Variants in CCDC134 observed in about 807,000 individuals in gnomAD.
The protein encoded by CCDC134 is coiled-coil domain containing 134, also known as coiled-coil domain-containing protein 134.
A neutral mutation model predicts 25.6 loss-of-function variants in CCDC134; 27 were observed. That is an observed-to-expected ratio of 1.05 (90% CI 0.78 to 1.45). The LOEUF is 1.45. CCDC134 is among the 40% of genes most tolerant of loss of function. The probability of loss-of-function intolerance (pLI) is 0.00; values close to 1 mark genes in which losing one functional copy is unlikely to be tolerated. For synonymous variants in CCDC134, 110 were observed against 115.0 expected, an observed-to-expected ratio of 0.96 and a Z score of 0.28; for missense variants, 261 against 286.7, an observed-to-expected ratio of 0.91 and a Z score of 0.65.
chr22:41,804,704 T>C (rs187450494), intron 1 of CCDC134, among the ~76,000 whole-genome samples: 1 of 152,344 alleles, frequency 6.6e-6, no homozygotes, highest in Admixed American at 6.5e-5. Flanking sequence ...GCAGGCTTTC[T>C]ATGTACATTC....
At chr22:41,801,047 C>T (rs1001919762) in intron 1 of CCDC134, among the ~76,000 whole-genome samples, 1 of 150,988 alleles carries the variant, frequency 6.6e-6, no homozygotes, top group South Asian at 2.1e-4. Flanking sequence ...GTGACGCATA[C>T]GGCAGGATCG....
chr22:41,817,274 A>T (rs953283040), intron 6 of CCDC134, among the ~76,000 whole-genome samples: 4 of 152,176 alleles, frequency 2.6e-5, no homozygotes, highest in Non-Finnish European at 5.9e-5. Context: ...TGATATGTTT[A>T]GGTGGCAGTG....
In CCDC134 at chr22:41,831,337, C is replaced by T. The variant is rs1046067144; in HGVS notation, c.*5514C>T. ...GGTTAGCTGGGATTACAGGCATGCG[C>T]CACCACACCCGGCTAATTTTTGTAT... is the stretch of plus-strand genomic sequence containing the variant. On this transcript the variant is annotated 3_prime_UTR_variant, in exon 7 of 7. Coordinates refer to ENST00000255784, the MANE Select transcript of CCDC134 (RefSeq NM_024821.5). 1 of 152,098 alleles carries T rather than the reference C, an allele frequency of 6.6e-6. No individual in the cohort carries two copies. Among genetic ancestry groups the T allele is most frequent in the Non-Finnish European group, 1.5e-5 (1 of 68,124 alleles). 9.4% of individuals were successfully genotyped at this position (152,098 alleles called of 1,614,324 possible).
At chr22:41,801,428 C>T (rs2076543171) in intron 1 of CCDC134, among the ~76,000 whole-genome samples, 1 of 152,126 alleles carries the variant, frequency 6.6e-6, no homozygotes, top group Non-Finnish European at 1.5e-5. Flanking sequence ...GTAGCCTGTG[C>T]TCATTTACAA....
intron 1 of CCDC134, among the ~76,000 whole-genome samples, chr22:41,806,427 A>G (rs879741703): frequency 6.6e-6 from 1 of 151,642 alleles, no homozygotes; most frequent in African/African-American, 2.4e-5. Context: ...TCACTGTGTT[A>G]GCCAGGATGG....
intron 4 of CCDC134, among the ~76,000 whole-genome samples, chr22:41,810,603 C>T (rs1310056856): frequency 7.1e-6 from 1 of 140,050 alleles, no homozygotes; most frequent in East Asian, 2.2e-4. Flanking sequence ...ACAAGTGATT[C>T]TCCTGCCTCA....
chr22:41,812,208 G>T (rs1281774411), intron 4 of CCDC134, among the ~76,000 whole-genome samples: 1 of 152,074 alleles, frequency 6.6e-6, no homozygotes, highest in African/African-American at 2.4e-5. Context: ...GATTACTTGA[G>T]TTCGAGTTTG....
Position 41,831,693 on chromosome 22 carries a change from G to T in CCDC134, c.*5870G>T, listed in dbSNP as rs1185528801. On this transcript the variant is annotated 3_prime_UTR_variant, in exon 7 of 7. Coordinates refer to ENST00000255784, the MANE Select transcript of CCDC134 (RefSeq NM_024821.5). Reference sequence around the variant, plus strand: ...TCACTTCTTCAGAGGCTTCTTGACAGCACAAGTCAGGGCCCTTGTTAGTTT... The same window carrying T: ...TCACTTCTTCAGAGGCTTCTTGACATCACAAGTCAGGGCCCTTGTTAGTTT... The T allele has an allele frequency of 2.0e-5, 3 of 152,210 alleles. No individual in the cohort carries two copies. The highest frequency in any genetic ancestry group is 4.4e-5 in the Non-Finnish European group (3 of 68,046). The allele number at this position is 152,210 out of a possible 1,614,324, so 9.4% of individuals were successfully genotyped here. A position where few individuals can be genotyped will look rare whatever the true frequency, so the allele number is the denominator to read the frequency against.
intron 6 of CCDC134, among the ~76,000 whole-genome samples, chr22:41,819,993 ATATAT>A (rs1569358015): frequency 1.6e-4 from 21 of 133,092 alleles, no homozygotes; most frequent in African/African-American, 5.8e-4. Context: ...ATATATATAT[ATATAT>A]AATTTTTTTT....
At chr22:41,813,626 T>C in intron 5 of CCDC134, 125 bp from the exon 6 acceptor site, 1 of 1,227,272 alleles carries the variant, frequency 8.1e-7, no homozygotes. Context: ...CCAGTTCCCA[T>C]GGGATCATCA....
rs2076702303 is a variant in CCDC134 at position 41,830,834 on chromosome 22, G to A, written c.*5011G>A. 6.8e-6 allele frequency among the ~76,000 whole-genome samples: 1 copy of A among 147,854 alleles called. No homozygotes were observed. Among genetic ancestry groups the A allele is most frequent in the Non-Finnish European group, 1.5e-5 (1 of 67,096 alleles). The stretch of plus-strand genomic sequence containing the variant: ...ACAGCCAGCTGTTGGGTCTTCCATC[G>A]TTTTTAACCTTCAGGTGAGCACACA... On this transcript the variant is annotated 3_prime_UTR_variant, in exon 7 of 7. Coordinates refer to ENST00000255784, the MANE Select transcript of CCDC134 (RefSeq NM_024821.5).
intron 6 of CCDC134, among the ~76,000 whole-genome samples, chr22:41,814,399 T>C (rs1410196523): frequency 6.6e-6 from 1 of 151,882 alleles, no homozygotes; most frequent in Non-Finnish European, 1.5e-5. Context: ...AACTCTGTCT[T>C]TACTAAAAAT....
rs6002506 is a variant in CCDC134 at position 41,825,594 on chromosome 22, G to T, written c.565-104G>T. 602 of 1,446,446 alleles carry T rather than the reference G, an allele frequency of 4.2e-4. 3 individuals carry two copies. In the African/African-American group the frequency reaches 7.5e-3, roughly 18 times the overall value. The allele number at this position is 1,446,446 out of a possible 1,614,324, so 89.6% of individuals were successfully genotyped here. On this transcript the variant is annotated intron_variant, in intron 6 of 6. Transcript: ENST00000255784. The surrounding 1 kb of genome is among the most constrained non-coding windows in gnomAD (Gnocchi z 4.4). The stretch of plus-strand genomic sequence containing the variant: ...TGTCTCCGTGTCTGGGGCAGGGCCT[G>T]TGTCCAGGGAACCTTCCTATTCCCA...
rs2076702558 is a variant in CCDC134, at chr22:41,830,869, TTTTTC to T, written c.*5061_*5065del. Among the ~76,000 whole-genome samples, 3 of 149,702 alleles carry T rather than the reference TTTTTC, an allele frequency of 2.0e-5. No homozygotes were observed. The highest frequency in any genetic ancestry group is 5.0e-5 in the African/African-American group (2 of 40,128). The stretch of plus-strand genomic sequence containing the variant: ...TTCAGGTGAGCACACAGATCCTTAT[TTTTTC>T]TTTTCTTTTCTTTTTTTTTTTTTTT... On this transcript the variant is annotated 3_prime_UTR_variant, in exon 7 of 7. Coordinates refer to ENST00000255784, the MANE Select transcript of CCDC134 (RefSeq NM_024821.5).
rs535469566 is a variant in CCDC134, at chr22:41,827,102, C to T, written c.*1279C>T. On this transcript the variant is annotated 3_prime_UTR_variant, in exon 7 of 7. Transcript: ENST00000255784. Reference sequence around the variant, plus strand: ...TGTTTCTCTGAGGCTGGCCTCCCTACGGGGCTGCAGCAGCAAAGGGAAGCC... The same window carrying T: ...TGTTTCTCTGAGGCTGGCCTCCCTATGGGGCTGCAGCAGCAAAGGGAAGCC... 1.1e-4 allele frequency among the ~76,000 whole-genome samples: 17 copies of T among 152,312 alleles called. No homozygotes were observed. Among genetic ancestry groups the T allele is most frequent in the African/African-American group, 3.8e-4 (16 of 41,566 alleles).
chr22:41,829,861 C>T lies in CCDC134; in HGVS notation c.*4038C>T, dbSNP rs2076697046. Among the ~76,000 whole-genome samples the T allele has an allele frequency of 6.6e-6, 1 of 152,046 alleles. No homozygotes were observed. Among genetic ancestry groups the T allele is most frequent in the Admixed American group, 6.6e-5 (1 of 15,254 alleles). ...CGATCTCGGCTCACTGCAACCCCCG[C>T]CTCCCGGGTTCAAGTGATTCTTCTG... is the stretch of plus-strand genomic sequence containing the variant. On this transcript the variant is annotated 3_prime_UTR_variant, in exon 7 of 7. Coordinates refer to ENST00000255784, the MANE Select transcript of CCDC134 (RefSeq NM_024821.5).
In CCDC134 at chr22:41,825,563, A is replaced by T; in HGVS notation, c.565-135A>T. The T allele has an allele frequency of 8.4e-7, 1 of 1,186,136 alleles. No individual in the cohort carries two copies. The highest frequency in any genetic ancestry group is 1.2e-6 in the Non-Finnish European group (1 of 844,074). 73.5% of individuals were successfully genotyped at this position (1,186,136 alleles called of 1,614,324 possible). A position where few individuals can be genotyped will look rare whatever the true frequency, so the allele number is the denominator to read the frequency against. On this transcript the variant is annotated intron_variant, in intron 6 of 6. Coordinates refer to ENST00000255784, the MANE Select transcript of CCDC134 (RefSeq NM_024821.5). This position sits in a 1 kb window ranked among gnomAD's most constrained non-coding sequence, Gnocchi z 4.4. ...CCCACTCAGCAGTTCTCCCAAACCC[A>T]TTTCCTGTCTCCGTGTCTGGGGCAG...
chr22:41,824,532 G>A (rs1234992398), intron 6 of CCDC134, among the ~76,000 whole-genome samples: 7 of 152,154 alleles, frequency 4.6e-5, no homozygotes, highest in South Asian at 2.1e-4. Context: ...AGGCTGAGGC[G>A]GATGGATCAC....
chr22:41,819,995 A>ATATATATATATATG (rs1602243853), intron 6 of CCDC134, among the ~76,000 whole-genome samples: 1 of 132,958 alleles, frequency 7.5e-6, no homozygotes, highest in East Asian at 2.2e-4. Context: ...ATATATATAT[A>ATATATATATATATG]TATAATTTTT....
Sources: gnomAD v4.1 joint callset for allele counts (sites outside exome capture counted in the v4.1 genomes callset) on GRCh38, gnomAD v4.1.1 for gene constraint, Gnocchi (gnomAD v3.1) non-coding constraint, MANE v1.5 for transcripts, NCBI Gene and HGNC (gene_info 2026-07-23, HGNC 2026-07-21) for gene names.